The following EYA1 variants were observed in gnomAD, a reference collection of about 807,000 sequenced individuals.
EYA1 encodes EYA transcriptional coactivator and phosphatase 1.
Under a neutral mutation model 82.0 loss-of-function variants are expected in EYA1, and 16 were observed. The ratio of observed to expected loss-of-function variants is 0.20; its 90% CI spans 0.13 to 0.30. The LOEUF (loss-of-function observed/expected upper bound fraction) is 0.30, where lower values mean the gene tolerates loss of function less well. EYA1 is among the 10% of genes least tolerant of loss of function. The probability of loss-of-function intolerance (pLI) is 1.00; values close to 1 mark genes in which losing one functional copy is unlikely to be tolerated. For missense variants in EYA1, 633 were observed against 730.7 expected (o/e 0.87, Z 1.54); for synonymous variants, 261 against 264.4 (o/e 0.99, Z 0.12).
chr8:71,297,741 T>G lies in EYA1; in HGVS notation c.826+1306A>C, dbSNP rs183921152. ...AATTCAATGCATTCTATAATAAAAT[T>G]TGTCTTCAGTGTCATTATATAGATG... On this transcript the variant is annotated intron_variant, in intron 9 of 17. Transcript: ENST00000340726. Among the ~76,000 whole-genome samples the G allele has an allele frequency of 2.0e-4, 31 of 152,252 alleles. No homozygotes were observed. The Middle Eastern group carries it at 0.014, about 67-fold the overall frequency.
intron 1 of EYA1, chr8:71,547,826 G>A (rs1385626211): frequency 2.0e-5 from 3 of 150,918 alleles, no homozygotes; most frequent in African/African-American, 7.3e-5. Context: ...CGGGCGCGGG[G>A]GACCCTGGCG....
At chr8:71,366,148 A>AT (rs11402042), upstream of EYA1, among the ~76,000 whole-genome samples, 24,584 of 151,416 alleles carry the variant, frequency 0.16, 2,164 homozygotes, top group East Asian at 0.26. Flanking sequence ...TGCCTATCAG[A>AT]TTTTTTTTTA....
At position 71,293,748 on chromosome 8, in the gene EYA1, A is replaced by T. The variant is rs576881399; in HGVS notation, c.826+5299T>A. Among the ~76,000 whole-genome samples, 4 of 151,370 alleles carry T rather than the reference A, an allele frequency of 2.6e-5. No homozygotes were observed. The South Asian group carries it at 6.3e-4, about 24-fold the overall frequency. On this transcript the variant is annotated intron_variant, in intron 9 of 17. Transcript: ENST00000340726. Reference sequence around the variant, plus strand: ...ACAAAGTCCAATACCCATTCATAATAAAAAAACTCAGTAATCTAGGAAAGG... The same window carrying T: ...ACAAAGTCCAATACCCATTCATAATTAAAAAACTCAGTAATCTAGGAAAGG...
intron 17 of EYA1, among the ~76,000 whole-genome samples, chr8:71,203,221 A>C (rs1807286936): frequency 6.6e-6 from 1 of 152,114 alleles, no homozygotes; most frequent in Non-Finnish European, 1.5e-5. Flanking sequence ...AGGGAAAATG[A>C]CTCAGGGTTG....
chr8:71,513,133 C>T (rs1812721459), intron 2 of EYA1, among the ~76,000 whole-genome samples: 1 of 152,050 alleles, frequency 6.6e-6, no homozygotes, highest in Non-Finnish European at 1.5e-5. Flanking sequence ...CAAACTTGCA[C>T]AAAATCAATG....
At chr8:71,250,355 T>C (rs565767643) in intron 11 of EYA1, among the ~76,000 whole-genome samples, 1 of 152,164 alleles carries the variant, frequency 6.6e-6, no homozygotes, top group Non-Finnish European at 1.5e-5. Flanking sequence ...AGATGGAGCC[T>C]GTACACTCAC....
intron 4 of EYA1, 85 bp from the exon 5 acceptor site, chr8:71,322,353 T>C (rs184360864): frequency 7.3e-5 from 88 of 1,203,064 alleles, no homozygotes; most frequent in Non-Finnish European, 9.6e-5. Flanking sequence ...TATTTTCAAC[T>C]ATAGGTTGGC....
chr8:71,539,061 T>C (rs550822463), intron 1 of EYA1, among the ~76,000 whole-genome samples: 3 of 152,214 alleles, frequency 2.0e-5, no homozygotes, highest in African/African-American at 7.2e-5. Context: ...ACCCTTCTAT[T>C]CACCCCTGAA....
intron 11 of EYA1, among the ~76,000 whole-genome samples, chr8:71,254,243 CAAAAAAAAAAAAAAAA>C (rs56047377): frequency 3.9e-5 from 2 of 51,462 alleles, no homozygotes; most frequent in African/African-American, 1.6e-4. Flanking sequence ...AAGTCTTGGC[CAAAAAAAAAAAAAAAA>C]AAAAAAAAAG....
At chr8:71,402,263 C>T (rs1305103884) in intron 2 of EYA1, among the ~76,000 whole-genome samples, 1 of 152,138 alleles carries the variant, frequency 6.6e-6, no homozygotes, top group Admixed American at 6.5e-5. Flanking sequence ...CCTCCACTTG[C>T]TTTCTCTCAG....
chr8:71,335,444 A>G (rs1175394203), intron 3 of EYA1, among the ~76,000 whole-genome samples: 1 of 152,240 alleles, frequency 6.6e-6, no homozygotes, highest in Admixed American at 6.5e-5. Flanking sequence ...CTTTTTAAAA[A>G]AATAATTTTT....
intron 17 of EYA1, among the ~76,000 whole-genome samples, chr8:71,209,508 T>C (rs1239595314): frequency 2.0e-5 from 3 of 152,168 alleles, no homozygotes; most frequent in African/African-American, 7.2e-5. Context: ...TGGGTATTCA[T>C]GAAATTATCT....
At chr8:71,309,362 CA>C (rs3086592) in intron 7 of EYA1, among the ~76,000 whole-genome samples, 21,671 of 146,392 alleles carry the variant, frequency 0.15, 1,670 homozygotes, top group South Asian at 0.22. Context: ...TCAATTTAAG[CA>C]AAAAAAAAAA....
intron 11 of EYA1, among the ~76,000 whole-genome samples, chr8:71,245,314 T>C (rs1474636710): frequency 6.6e-6 from 1 of 152,032 alleles, no homozygotes; most frequent in Non-Finnish European, 1.5e-5. Context: ...GCAGCCTCCA[T>C]GTCCCAGGTT....
At chr8:71,389,576 T>C (rs1829154957) in intron 2 of EYA1, among the ~76,000 whole-genome samples, 2 of 152,192 alleles carry the variant, frequency 1.3e-5, no homozygotes, top group Non-Finnish European at 2.9e-5. Context: ...TTACTAGACT[T>C]GACTTTTGAA....
At chr8:71,519,299 A>G (rs1017476050) in intron 2 of EYA1, among the ~76,000 whole-genome samples, 5 of 152,224 alleles carry the variant, frequency 3.3e-5, no homozygotes, top group African/African-American at 1.2e-4. Context: ...CCCTATTTCT[A>G]GTAAACTAAT....
chr8:71,490,358 A>G (rs1463196067), intron 2 of EYA1, among the ~76,000 whole-genome samples: 1 of 152,232 alleles, frequency 6.6e-6, no homozygotes, highest in Non-Finnish European at 1.5e-5. Context: ...TTAAGTAACC[A>G]TGGGGTATTG....
upstream of EYA1, among the ~76,000 whole-genome samples, chr8:71,366,420 C>G (rs17785598): frequency 6.6e-6 from 1 of 152,070 alleles, no homozygotes; most frequent in Non-Finnish European, 1.5e-5. Context: ...TGCTTTCTCG[C>G]GCTGTGAAAT....
intron 12 of EYA1, among the ~76,000 whole-genome samples, chr8:71,235,488 C>G (rs1485667676): frequency 2.0e-5 from 3 of 152,050 alleles, no homozygotes; most frequent in African/African-American, 7.3e-5. Context: ...CAAATGTTAC[C>G]TCCTCAGAGA....
Sources: gnomAD v4.1 joint callset for allele counts (sites outside exome capture counted in the v4.1 genomes callset) on GRCh38, gnomAD v4.1.1 for gene constraint, MANE v1.5 for transcripts, NCBI Gene and HGNC (gene_info 2026-07-23, HGNC 2026-07-21) for gene names.